Variants in DUOX2 observed in about 807,000 individuals in gnomAD.
The protein encoded by DUOX2 is NADH/NADPH thyroid oxidase p138-tox.
A neutral mutation model predicts 183.3 loss-of-function variants in DUOX2; 185 were observed. That is an observed-to-expected ratio of 1.01 (90% CI 0.90 to 1.14). The LOEUF (loss-of-function observed/expected upper bound fraction) is 1.14, where lower values mean the gene tolerates loss of function less well. Among genes scored for constraint, DUOX2 ranks in the 50% most tolerant of loss-of-function variants. DUOX2 has a pLI of 0.00. For missense variants in DUOX2, 1,999 were observed against 2,022.9 expected (o/e 0.99, Z 0.23); for synonymous variants, 788 against 812.4 (o/e 0.97, Z 0.51).
In DUOX2 at chr15:45,097,566, C is replaced by A. The variant is rs369903049; in HGVS notation, c.3693+48G>T. 29 of 1,613,954 alleles carry A rather than the reference C, an allele frequency of 1.8e-5. No homozygotes were observed. The African/African-American group carries it at 3.1e-4, about 17-fold the overall frequency. On this transcript the variant is annotated intron_variant, in intron 28 of 33. Coordinates refer to ENST00000389039, the MANE Select transcript of DUOX2 (RefSeq NM_001363711.2). ...ATTCTCCCTCTTTCACCTTCCTGTC[C>A]CATCCTGAGCTCCCTGCTCCATGGG... is the stretch of plus-strand genomic sequence containing the variant.
chr15:45,107,364 A>T lies in DUOX2; in HGVS notation c.1674T>A (p.Asn558Lys), dbSNP rs901959210. 1 of 1,614,130 alleles carries T rather than the reference A, an allele frequency of 6.2e-7. No homozygotes were observed. The highest frequency in any genetic ancestry group is 8.5e-7 in the Non-Finnish European group (1 of 1,180,046). The change falls in exon 14 of 34, where the codon AAT (asparagine) becomes AAA (lysine). Residue 558 changes from asparagine to lysine, a missense_variant. Physicochemically the swap from Asn to Lys is moderately conservative, Grantham distance 94 (BLOSUM62 0). This residue lies in a region of DUOX2 where 1,628 missense variants were observed against 1,608.6 expected (regional missense o/e 1.01). Transcript: ENST00000389039. ...ACTCACCTTTATGCCAGACAAAGACATTGGGCTGCAGGGCACTGGGGTCAA... is the reference window on the plus strand; with the variant it reads ...ACTCACCTTTATGCCAGACAAAGACTTTGGGCTGCAGGGCACTGGGGTCAA... ...INIDPSALQP[N>K]VFVWHKGAPC...
In DUOX2 at chr15:45,113,510, C is replaced by T. The variant is rs1894512236; in HGVS notation, c.-14-85G>A. On this transcript the variant is annotated intron_variant, in intron 1 of 33. Transcript: ENST00000389039. ...TATGCCTCCCCTCTTGTTCCTACAG[C>T]TAGTACTGGAGGAGGAGCACCAGCT... is the stretch of plus-strand genomic sequence containing the variant. 4.7e-6 allele frequency: 5 copies of T among 1,065,254 alleles called. No individual in the cohort carries two copies. The East Asian group carries it at 1.0e-4, about 22-fold the overall frequency. The allele number at this position is 1,065,254 out of a possible 1,614,324, so 66.0% of individuals were successfully genotyped here.
intron 17 of DUOX2, 32 bp from the exon 18 acceptor site, chr15:45,105,860 G>C (rs1372833040): frequency 6.2e-7 from 1 of 1,612,926 alleles, no homozygotes; most frequent in Non-Finnish European, 8.5e-7. Flanking sequence ...CTGACGCAGG[G>C]AGCTCGCTGG....
chr15:45,100,323 C>A, intron 23 of DUOX2, 95 bp from the exon 24 acceptor site: 1 of 1,261,080 alleles, frequency 7.9e-7, no homozygotes, highest in Non-Finnish European at 1.1e-6. Context: ...ATCTGGCAGG[C>A]ATCAGGATGG....
rs1307171670 is a variant in DUOX2, at chr15:45,111,480, G to T, written c.619C>A (p.Pro207Thr). 4 of 1,550,466 alleles carry T rather than the reference G, an allele frequency of 2.6e-6. No individual in the cohort carries two copies. The highest frequency in any genetic ancestry group is 3.9e-5 in the Admixed American group (2 of 51,294). Residue 207 changes from proline to threonine, a missense_variant, in exon 6 of 34, where the codon CCC becomes ACC. Physicochemically the swap from Pro to Thr is conservative, Grantham distance 38. Around this residue, in one of 3 missense-constraint regions of DUOX2, gnomAD observed 356 missense variants for 356.4 expected, o/e 1.00. Coordinates refer to ENST00000389039, the MANE Select transcript of DUOX2 (RefSeq NM_001363711.2). ...GAGTCTCGGGGGAAAGCGGGGTCGG[G>T]CCCCGACGCCAGCTGTCCCCCCGAG... ...SFSGGQLASG[P>T]DPAFPRDSQN...
intron 13 of DUOX2, among the ~76,000 whole-genome samples, 174 bp downstream of exon 13, chr15:45,107,869 AAAAG>A (rs1435140355): frequency 1.1e-3 from 11 of 10,458 alleles, no homozygotes; most frequent in African/African-American, 2.3e-3. Context: ...AAAAAAAAAA[AAAAG>A]AAAAAGAAAA....
At position 45,111,473 on chromosome 15, in the gene DUOX2, G is replaced by C. The variant is rs1400935140; in HGVS notation, c.626C>G (p.Pro209Arg). The change falls in exon 6 of 34, where the codon CCC (proline) becomes CGC (arginine). Residue 209 changes from proline to arginine, a missense_variant. Pro to Arg is a moderately radical substitution (Grantham distance 103). Around this residue, in one of 3 missense-constraint regions of DUOX2, gnomAD observed 356 missense variants for 356.4 expected, o/e 1.00. Coordinates refer to ENST00000389039, the MANE Select transcript of DUOX2 (RefSeq NM_001363711.2). ...GTTCTGCGAGTCTCGGGGGAAAGCG[G>C]GGTCGGGCCCCGACGCCAGCTGTCC... is the stretch of plus-strand genomic sequence containing the variant. Reference protein sequence around the residue: ...SGGQLASGPDPAFPRDSQNPL... With the variant: ...SGGQLASGPDRAFPRDSQNPL... 1.3e-6 allele frequency: 2 copies of C among 1,551,636 alleles called. No individual in the cohort carries two copies. The highest frequency in any genetic ancestry group is 1.7e-6 in the Non-Finnish European group (2 of 1,150,842).
rs1431479300 is a variant in DUOX2, at chr15:45,100,760, G to C, written c.3000C>G (p.Gly1000=). ...GGGATTTGGGAGACACTCACTTTTT[G>C]CCAAACCTCTTCTTCAGTCCAGGGC... ...LGGPGLKKRF[G]KKAAVPTPRL... is the part of the protein sequence containing the mutation. Residue 1000 remains glycine (G), a synonymous_variant, in exon 23 of 34, where the codon GGC becomes GGG. Coordinates refer to ENST00000389039, the MANE Select transcript of DUOX2 (RefSeq NM_001363711.2). 6.2e-7 allele frequency: 1 copy of C among 1,613,954 alleles called. No individual in the cohort carries two copies. The highest frequency in any genetic ancestry group is 2.2e-5 in the East Asian group (1 of 44,864).
At position 45,101,849 on chromosome 15, in the gene DUOX2, T is replaced by A; in HGVS notation, c.2795A>T (p.Asp932Val). 1 of 1,614,220 alleles carries A rather than the reference T, an allele frequency of 6.2e-7. No homozygotes were observed. Among genetic ancestry groups the A allele is most frequent in the Non-Finnish European group, 8.5e-7 (1 of 1,180,038 alleles). Residue 932 changes from aspartate to valine, a missense_variant, in exon 21 of 34, where the codon GAC (aspartate) becomes GTC (valine). Physicochemically the swap from Asp to Val is radical, Grantham distance 152. Transcript: ENST00000389039. The stretch of plus-strand genomic sequence containing the variant: ...GAGCTGCGTGAAGCGGAGCTCGCTG[T>A]CATGGTCCCGCAGCATGAAGTGAAA... Reference protein sequence around the residue: ...EDFHFMLRDHDSELRFTQLCV... With the variant: ...EDFHFMLRDHVSELRFTQLCV...
chr15:45,095,738 C>A, intron 30 of DUOX2, 90 bp downstream of exon 30: 1 of 1,535,694 alleles, frequency 6.5e-7, no homozygotes, highest in Non-Finnish European at 8.9e-7. Context: ...GGCTTTGGGA[C>A]GGCTGGAGCT....
In DUOX2 at chr15:45,108,933, G is replaced by T; in HGVS notation, c.1254C>A (p.Gly418=). ...CCACATAGTCTGTACGGGAGAATTT[G>T]CCAGGGCCAGGCCAGTAATCTGAAG... is the stretch of plus-strand genomic sequence containing the variant. ...EDLRDYWPGP[G]KFSRTDYVAS... is the part of the protein sequence containing the mutation. The change falls in exon 12 of 34, where the codon GGC becomes GGA. Residue 418 remains glycine, a synonymous_variant. Transcript: ENST00000389039. 1 of 1,614,226 alleles carries T rather than the reference G, an allele frequency of 6.2e-7. No individual in the cohort carries two copies. Among genetic ancestry groups the T allele is most frequent in the Non-Finnish European group, 8.5e-7 (1 of 1,180,038 alleles).
chr15:45,100,268 C>T lies in DUOX2; in HGVS notation c.3006-40G>A, dbSNP rs200630595. On this transcript the variant is annotated intron_variant, in intron 23 of 33. Coordinates refer to ENST00000389039, the MANE Select transcript of DUOX2 (RefSeq NM_001363711.2). ...GGCAGGGCAGCAGTGTGGTAAGGGC[C>T]CTCTGGCCTTCCCTTAATGCCACTC... 143 of 1,591,864 alleles carry T rather than the reference C, an allele frequency of 9.0e-5. 1 individual carries two copies. The highest frequency in any genetic ancestry group is 1.2e-4 in the Non-Finnish European group (140 of 1,167,688).
At chr15:45,113,105 C>T (rs980890652) in intron 2 of DUOX2, 29 bp from the exon 3 acceptor site, 5 of 1,604,428 alleles carry the variant, frequency 3.1e-6, no homozygotes, top group African/African-American at 1.3e-5. Context: ...GCCTCCTCAG[C>T]ACTACGCTCC....
rs1894291829 is a variant in DUOX2, at chr15:45,108,517, C to T, written c.1398+272G>A. The T allele has an allele frequency of 2.2e-5, 13 of 602,580 alleles. 2 individuals are homozygous for T. The South Asian group carries it at 2.2e-4, about 10-fold the overall frequency. The allele number at this position is 602,580 out of a possible 1,614,324, so 37.3% of individuals were successfully genotyped here. ...GGCACACAGCCCTTGGGGTGGGACC[C>T]TGCAGCAACAGGACAATGGCACCCA... On this transcript the variant is annotated intron_variant, in intron 12 of 33. Transcript: ENST00000389039.
chr15:45,100,835 G>A lies in DUOX2; in HGVS notation c.2925C>T (p.Ser975=), dbSNP rs1328953719. ...CAGGGGGCCCCAGTCCCTGGGGGTG[G>A]GAGCTGAGAAAAAGAAATGGGGCTG... The part of the protein sequence containing the change: ...SFITRTPGER[S]HPQGLGPPAP... The change falls in exon 23 of 34, where the codon TCC becomes TCT. Residue 975 remains serine (S), a synonymous_variant. Transcript: ENST00000389039. 5 of 1,608,348 alleles carry A rather than the reference G, an allele frequency of 3.1e-6. No homozygotes were observed. Among genetic ancestry groups the A allele is most frequent in the Non-Finnish European group, 4.3e-6 (5 of 1,175,258 alleles).
At chr15:45,112,856 G>C in intron 3 of DUOX2, 131 bp downstream of exon 3, 1 of 1,535,162 alleles carries the variant, frequency 6.5e-7, no homozygotes, top group East Asian at 2.3e-5. Context: ...CCCCGGGAGC[G>C]CATAAGATTG....
intron 28 of DUOX2, 50 bp from the exon 29 acceptor site, chr15:45,097,441 C>T (rs113832134): frequency 2.9e-5 from 47 of 1,613,938 alleles, no homozygotes; most frequent in African/African-American, 2.3e-4. Context: ...GGCCCCTGCC[C>T]GGCATCCCCT....
In DUOX2 at chr15:45,108,116, G is replaced by T. The variant is rs1053145352; in HGVS notation, c.1505C>A (p.Ala502Asp). The T allele has an allele frequency of 6.2e-7, 1 of 1,614,190 alleles. No individual in the cohort carries two copies. The highest frequency in any genetic ancestry group is 8.5e-7 in the Non-Finnish European group (1 of 1,180,030). The change falls in exon 13 of 34, where the codon GCC becomes GAC. Residue 502 changes from alanine to aspartate, a missense_variant. By Grantham distance (126) the Ala-to-Asp change is moderately radical (BLOSUM62 -2). Transcript: ENST00000389039. ...CCGTACAAACTGGTCGAGGACAATGGCACTGAACAGGGGTCCAGGGTCCCC... is the reference window on the plus strand; with the variant it reads ...CCGTACAAACTGGTCGAGGACAATGTCACTGAACAGGGGTCCAGGGTCCCC... ...SHGDPGPLFS[A>D]IVLDQFVRLR...
chr15:45,098,419 T>G (rs1357625266), intron 26 of DUOX2, among the ~76,000 whole-genome samples: 1 of 152,194 alleles, frequency 6.6e-6, no homozygotes, highest in Admixed American at 6.5e-5. Flanking sequence ...GGTAAGTAGT[T>G]GTTGAATGAC....
Sources: gnomAD v4.1 joint callset for allele counts (sites outside exome capture counted in the v4.1 genomes callset) on GRCh38, gnomAD v4.1.1 for gene constraint, gnomAD v4.1.1 regional missense constraint, MANE v1.5 for transcripts, NCBI Gene and HGNC (gene_info 2026-07-23, HGNC 2026-07-21) for gene names.